ALOX5AP: variants seen among roughly 807,000 people sequenced by gnomAD.
ALOX5AP encodes arachidonate 5-lipoxygenase activating protein, also known as arachidonate 5-lipoxygenase-activating protein.
In ALOX5AP, 9 loss-of-function variants were observed where a neutral mutation model predicts 18.5. The observed-to-expected ratio is 0.49, with a 90% CI of 0.29 to 0.85. The LOEUF (loss-of-function observed/expected upper bound fraction) is 0.85, where lower values mean the gene tolerates loss of function less well. ALOX5AP is among the 40% of genes least tolerant of loss of function. ALOX5AP has a pLI of 0.08. For synonymous variants in ALOX5AP, 81 were observed against 78.6 expected (o/e 1.03, Z -0.16); for missense variants, 172 against 202.5 (o/e 0.85, Z 0.91).
At chr13:30,751,980 C>T in intron 2 of ALOX5AP, 72 bp from the exon 3 acceptor site, 1 of 1,379,972 alleles carries the variant, frequency 7.2e-7, no homozygotes, top group South Asian at 1.2e-5. Context: ...CTTCAACTTT[C>T]AGGTAATTTT....
intron 4 of ALOX5AP, among the ~76,000 whole-genome samples, chr13:30,762,694 A>G (rs1951951984): frequency 1.3e-5 from 2 of 152,192 alleles, no homozygotes; most frequent in East Asian, 1.9e-4. Context: ...TGGATGCCAA[A>G]TGCTGCTCTC....
chr13:30,729,287 G>T (rs749882713), intron 1 of ALOX5AP, among the ~76,000 whole-genome samples: 20 of 151,972 alleles, frequency 1.3e-4, no homozygotes, highest in Admixed American at 8.5e-4. Flanking sequence ...TTATGTTTAA[G>T]ACCCATTTCT....
chr13:30,744,156 C>A lies in ALOX5AP; in HGVS notation c.167C>A (p.Ala56Asp). The change falls in exon 2 of 5, where the codon GCC becomes GAC. Residue 56 changes from alanine to aspartate, a missense_variant. Physicochemically the swap from Ala to Asp is moderately radical, Grantham distance 126 (BLOSUM62 -2). Coordinates refer to ENST00000380490, the MANE Select transcript of ALOX5AP (RefSeq NM_001629.4). ...CTTGCCTTTGAGCGGGTCTACACTGCCAAGTGAGTCCTAACCCTGATGTTG... is the reference window on the plus strand; with the variant it reads ...CTTGCCTTTGAGCGGGTCTACACTGACAAGTGAGTCCTAACCCTGATGTTG... ...GTLAFERVYT[A>D]NQNCVDAYPT... 6.2e-7 allele frequency: 1 copy of A among 1,613,656 alleles called. No homozygotes were observed. Among genetic ancestry groups the A allele is most frequent in the Non-Finnish European group, 8.5e-7 (1 of 1,179,666 alleles).
In ALOX5AP at chr13:30,719,843, CT is replaced by C. The variant is rs904463943; in HGVS notation, c.116+6012del. 3.3e-4 allele frequency among the ~76,000 whole-genome samples: 49 copies of C among 148,756 alleles called. 1 individual carries two copies. Among genetic ancestry groups the C allele is most frequent in the African/African-American group, 8.2e-4 (33 of 40,442 alleles). On this transcript the variant is annotated intron_variant, in intron 1 of 5. Transcript: ENST00000617770. ...GACTGTAGTTCAAATGCTCTGTTCC[CT>C]TTTTTTTTTCCCAGAGGATAATTTT...
chr13:30,713,887 A>G, intron 1 of ALOX5AP: 2 of 1,521,396 alleles, frequency 1.3e-6, no homozygotes, highest in Non-Finnish European at 1.8e-6. Flanking sequence ...TGCATCTTCT[A>G]CCATGCCTCC....
chr13:30,726,057 G>A (rs1196863617), intron 1 of ALOX5AP, among the ~76,000 whole-genome samples: 1 of 152,122 alleles, frequency 6.6e-6, no homozygotes, highest in Non-Finnish European at 1.5e-5. Context: ...CTATCACCCT[G>A]GTGTTCGGGT....
At chr13:30,731,955 G>A (rs941673708), upstream of ALOX5AP, among the ~76,000 whole-genome samples, 7 of 152,232 alleles carry the variant, frequency 4.6e-5, no homozygotes, top group African/African-American at 1.2e-4. Flanking sequence ...TGTCTCAGCA[G>A]CTCTCTATTA....
At chr13:30,729,310 T>C (rs146320273) in intron 1 of ALOX5AP, among the ~76,000 whole-genome samples, 2,120 of 152,338 alleles carry the variant, frequency 0.014, 47 homozygotes, top group African/African-American at 0.047. Context: ...TTACAATTTG[T>C]GTGATTTTTT....
At chr13:30,722,556 A>C (rs1395446494) in intron 1 of ALOX5AP, among the ~76,000 whole-genome samples, 2 of 152,246 alleles carry the variant, frequency 1.3e-5, no homozygotes, top group Non-Finnish European at 2.9e-5. Context: ...TGAGGCAATG[A>C]AAGAACATAG....
chr13:30,732,063 C>T (rs777660009), upstream of ALOX5AP, among the ~76,000 whole-genome samples: 4 of 152,242 alleles, frequency 2.6e-5, no homozygotes. Context: ...ATGGCCGTCT[C>T]GGCTATTAAC....
chr13:30,753,685 C>T (rs9579649), intron 3 of ALOX5AP, among the ~76,000 whole-genome samples: 11,345 of 152,224 alleles, frequency 0.075, 498 homozygotes, highest in Non-Finnish European at 0.1. Flanking sequence ...GTGGCTTGAA[C>T]GAACATCAGA....
intron 2 of ALOX5AP, among the ~76,000 whole-genome samples, chr13:30,746,329 T>G (rs1391808986): frequency 6.6e-6 from 1 of 152,094 alleles, no homozygotes; most frequent in Non-Finnish European, 1.5e-5. Context: ...ACACTCAACC[T>G]CCATGAGAGG....
At chr13:30,722,580 C>T (rs1951602574) in intron 1 of ALOX5AP, among the ~76,000 whole-genome samples, 1 of 152,170 alleles carries the variant, frequency 6.6e-6, no homozygotes, top group Non-Finnish European at 1.5e-5. Context: ...ATATATATAA[C>T]AGTCCTCCTG....
chr13:30,755,523 G>A (rs1158535353), intron 3 of ALOX5AP, among the ~76,000 whole-genome samples: 1 of 152,182 alleles, frequency 6.6e-6, no homozygotes, highest in Non-Finnish European at 1.5e-5. Context: ...TGGAAACCAG[G>A]AGTGTCCAGT....
At chr13:30,763,276 C>A (rs1951958767) in intron 4 of ALOX5AP, among the ~76,000 whole-genome samples, 1 of 152,188 alleles carries the variant, frequency 6.6e-6, no homozygotes, top group Admixed American at 6.5e-5. Flanking sequence ...CCACTGCACT[C>A]CAGCTTGGGC....
intron 1 of ALOX5AP, among the ~76,000 whole-genome samples, chr13:30,730,260 G>C (rs1951670805): frequency 6.6e-6 from 1 of 152,150 alleles, no homozygotes; most frequent in South Asian, 2.1e-4. Flanking sequence ...GTTCAATTCT[G>C]TTCAGAACCA....
intron 1 of ALOX5AP, among the ~76,000 whole-genome samples, chr13:30,743,609 G>A (rs772988663): frequency 6.6e-6 from 1 of 151,676 alleles, no homozygotes; most frequent in Non-Finnish European, 1.5e-5. Context: ...AGCTTAGAGC[G>A]GCCCCTCTCC....
chr13:30,755,742 T>C (rs1213391201), intron 3 of ALOX5AP, among the ~76,000 whole-genome samples: 1 of 152,230 alleles, frequency 6.6e-6, no homozygotes, highest in Non-Finnish European at 1.5e-5. Context: ...GACAAGTTTG[T>C]TGTAAACAAT....
At chr13:30,744,710 A>G (rs1373796971) in intron 2 of ALOX5AP, among the ~76,000 whole-genome samples, 5 of 152,228 alleles carry the variant, frequency 3.3e-5, no homozygotes, top group Admixed American at 3.3e-4. Context: ...TTCTTTGAAT[A>G]AAAAGGTTGT....
Sources: gnomAD v4.1 joint callset for allele counts (sites outside exome capture counted in the v4.1 genomes callset) on GRCh38, gnomAD v4.1.1 for gene constraint, MANE v1.5 for transcripts, NCBI Gene and HGNC (gene_info 2026-07-23, HGNC 2026-07-21) for gene names.